Variants in GSTCD observed in about 807,000 individuals in gnomAD.
GSTCD encodes glutathione S-transferase C-terminal domain containing, also known as glutathione S-transferase C-terminal domain-containing protein.
GSTCD carries 44 observed loss-of-function variants against 68.3 expected under a neutral mutation model. That is an observed-to-expected ratio of 0.64 (90% CI 0.51 to 0.83). The LOEUF (loss-of-function observed/expected upper bound fraction) is 0.83. Ranked by LOEUF, GSTCD falls within the 40% of genes least tolerant of loss-of-function variation. GSTCD has a pLI of 0.00. For synonymous variants in GSTCD, 273 were observed against 255.2 expected, an observed-to-expected ratio of 1.07 and a Z score of -0.67; for missense variants, 739 against 735.9, an observed-to-expected ratio of 1.00 and a Z score of -0.05.
In GSTCD at chr4:105,817,502, A is replaced by C. The variant is rs116652677; in HGVS notation, c.1241-5452A>C. On this transcript the variant is annotated intron_variant, in intron 5 of 11. Transcript: ENST00000515279. ...GGGTTTGTGAATGGGGGAGAGTATC[A>C]GATTATTTGTATCCACTGTTACAAG... Among the ~76,000 whole-genome samples, 1,340 of 151,986 alleles carry C rather than the reference A, an allele frequency of 8.8e-3. 20 individuals carry two copies. The highest frequency in any genetic ancestry group is 0.03 in the African/African-American group (1,264 of 41,532).
intron 5 of GSTCD, among the ~76,000 whole-genome samples, chr4:105,766,208 A>G (rs1473990688): frequency 6.6e-6 from 1 of 152,222 alleles, no homozygotes; most frequent in Non-Finnish European, 1.5e-5. Flanking sequence ...GGCTGGAGGC[A>G]GTGTTACTGA....
rs575978246 is a variant in GSTCD at position 105,721,981 on chromosome 4, A to G, written c.894+2454A>G. On this transcript the variant is annotated intron_variant, in intron 3 of 11. Coordinates refer to ENST00000515279, the MANE Select transcript of GSTCD (RefSeq NM_001370181.1). ...GGCAAAATCCTACTGTTCCAATACT[A>G]GAAGATTGTATATTATTTTTCAGTT... Among the ~76,000 whole-genome samples, 6 of 152,296 alleles carry G rather than the reference A, an allele frequency of 3.9e-5. No individual in the cohort carries two copies. The South Asian group carries it at 1.0e-3, about 26-fold the overall frequency.
intron 5 of GSTCD, among the ~76,000 whole-genome samples, chr4:105,759,081 A>G (rs1217142093): frequency 1.3e-5 from 2 of 152,132 alleles, no homozygotes; most frequent in Non-Finnish European, 2.9e-5. Context: ...CTTAAAGCTG[A>G]GACATTTCAC....
intron 5 of GSTCD, among the ~76,000 whole-genome samples, chr4:105,780,749 G>C (rs1735246227): frequency 6.6e-6 from 1 of 152,092 alleles, no homozygotes; most frequent in African/African-American, 2.4e-5. Flanking sequence ...GAAATTGCTT[G>C]AATAGTCAAG....
intron 5 of GSTCD, among the ~76,000 whole-genome samples, chr4:105,815,806 G>T (rs1244443880): frequency 6.6e-6 from 1 of 152,104 alleles, no homozygotes; most frequent in Non-Finnish European, 1.5e-5. Context: ...TCTACAGTTA[G>T]CCTTTTTGTT....
At chr4:105,731,902 AG>A (rs1384310011) in intron 5 of GSTCD, among the ~76,000 whole-genome samples, 1 of 152,200 alleles carries the variant, frequency 6.6e-6, no homozygotes, top group Non-Finnish European at 1.5e-5. Context: ...TTTAGCATGA[AG>A]GGCTGTTGAA....
At chr4:105,807,686 T>C (rs1722574103) in intron 5 of GSTCD, among the ~76,000 whole-genome samples, 1 of 152,106 alleles carries the variant, frequency 6.6e-6, no homozygotes, top group African/African-American at 2.4e-5. Context: ...GAGCTAATGG[T>C]GTATGCCTTG....
At chr4:105,830,899 C>G (rs1276692384) in intron 8 of GSTCD, among the ~76,000 whole-genome samples, 1 of 151,926 alleles carries the variant, frequency 6.6e-6, no homozygotes, top group South Asian at 2.1e-4. Flanking sequence ...AAAAAAAAGG[C>G]CAAAAGCTCT....
At chr4:105,768,238 G>A (rs1578455107) in intron 5 of GSTCD, among the ~76,000 whole-genome samples, 1 of 151,824 alleles carries the variant, frequency 6.6e-6, no homozygotes, top group Non-Finnish European at 1.5e-5. Flanking sequence ...CACCATGTTG[G>A]CCAGGATGGT....
chr4:105,823,687 A>G (rs533784748), intron 7 of GSTCD: 92 of 154,076 alleles, frequency 6.0e-4, no homozygotes, highest in Middle Eastern at 6.7e-3. Context: ...AAATTTTTTA[A>G]AGCAAAAAAA....
At chr4:105,767,245 G>A (rs751666431) in intron 5 of GSTCD, among the ~76,000 whole-genome samples, 1 of 152,150 alleles carries the variant, frequency 6.6e-6, no homozygotes, top group African/African-American at 2.4e-5. Context: ...CGGATGCAAT[G>A]ATTGGCTGAG....
At chr4:105,742,873 C>A (rs1733675367) in intron 5 of GSTCD, among the ~76,000 whole-genome samples, 1 of 151,820 alleles carries the variant, frequency 6.6e-6, no homozygotes, top group Non-Finnish European at 1.5e-5. Context: ...TGCCATCATA[C>A]CTGGCTAATT....
chr4:105,801,193 G>A (rs930996595), intron 5 of GSTCD, among the ~76,000 whole-genome samples: 1 of 152,086 alleles, frequency 6.6e-6, no homozygotes, highest in African/African-American at 2.4e-5. Flanking sequence ...ACTGCTTCTC[G>A]ACCTTTTGGC....
intron 10 of GSTCD, chr4:105,840,221 TA>T: frequency 2.2e-6 from 1 of 455,502 alleles, no homozygotes; most frequent in Non-Finnish European, 4.4e-6. Context: ...ACATTACCAT[TA>T]TATAAAATGA....
At chr4:105,746,574 TCTAA>T (rs1300137377) in intron 5 of GSTCD, among the ~76,000 whole-genome samples, 1 of 152,234 alleles carries the variant, frequency 6.6e-6, no homozygotes, top group African/African-American at 2.4e-5. Context: ...ACTGGTATAT[TCTAA>T]CTCTTTGTGT....
chr4:105,789,886 C>G (rs531506977), intron 5 of GSTCD, among the ~76,000 whole-genome samples: 2 of 151,570 alleles, frequency 1.3e-5, no homozygotes, highest in South Asian at 4.2e-4. Context: ...TTCCTGATCT[C>G]TCAATTCTCA....
chr4:105,804,873 T>A (rs925866328), intron 5 of GSTCD, among the ~76,000 whole-genome samples: 1 of 152,080 alleles, frequency 6.6e-6, no homozygotes, highest in African/African-American at 2.4e-5. Flanking sequence ...AGCTCCCGTT[T>A]ATAAGTGAGA....
intron 5 of GSTCD, among the ~76,000 whole-genome samples, chr4:105,776,743 G>T (rs1275686596): frequency 1.3e-5 from 2 of 152,198 alleles, no homozygotes; most frequent in Non-Finnish European, 2.9e-5. Context: ...CTTCTGCATT[G>T]ATCTTGCTGG....
chr4:105,847,414 C>T lies in GSTCD; in HGVS notation c.*1837C>T, dbSNP rs1339767105. 3.9e-5 allele frequency: 6 copies of T among 152,222 alleles called. No individual in the cohort carries two copies. Among genetic ancestry groups the T allele is most frequent in the African/African-American group, 1.4e-4 (6 of 41,540 alleles). The allele number at this position is 152,222 out of a possible 1,614,324, so 9.4% of individuals were successfully genotyped here. A position where few individuals can be genotyped will look rare whatever the true frequency, so the allele number is the denominator to read the frequency against. On this transcript the variant is annotated 3_prime_UTR_variant, in exon 12 of 12. Transcript: ENST00000515279. ...TTGTGCCTATAGAAAACAACATGCT[C>T]TTTTATTGTGGACTTTCTTCTTTTA...
Sources: gnomAD v4.1 joint callset for allele counts (sites outside exome capture counted in the v4.1 genomes callset) on GRCh38, gnomAD v4.1.1 for gene constraint, MANE v1.5 for transcripts, NCBI Gene and HGNC (gene_info 2026-07-23, HGNC 2026-07-21) for gene names.